The following UTP4 variants were observed in gnomAD, a reference collection of about 807,000 sequenced individuals.
UTP4 encodes the protein U3 small nucleolar RNA-associated protein 4 homolog.
A neutral mutation model predicts 82.4 loss-of-function variants in UTP4; 45 were observed. That is an observed-to-expected ratio of 0.55 (90% CI 0.43 to 0.70). The LOEUF (loss-of-function observed/expected upper bound fraction) is 0.70. UTP4 is among the 30% of genes least tolerant of loss of function. The pLI, the probability that UTP4 is intolerant of heterozygous loss-of-function variation, is 0.00. For missense variants in UTP4, 819 were observed against 858.3 expected, an observed-to-expected ratio of 0.95 and a Z score of 0.57; for synonymous variants, 348 against 300.3, an observed-to-expected ratio of 1.16 and a Z score of -1.64.
chr16:69,161,232 T>C (rs573545201), intron 13 of UTP4, among the ~76,000 whole-genome samples: 4 of 152,364 alleles, frequency 2.6e-5, no homozygotes, highest in Admixed American at 2.0e-4. Context: ...GTAATGACGC[T>C]GTCAGTCATA....
chr16:69,159,993 A>AC (rs1205676281), intron 12 of UTP4, among the ~76,000 whole-genome samples: 2 of 152,004 alleles, frequency 1.3e-5, no homozygotes, highest in Non-Finnish European at 2.9e-5. Context: ...TCAAAAAAAA[A>AC]AAAACAAAAA....
At chr16:69,152,464 CTTTTTTT>C (rs58914042) in intron 8 of UTP4, among the ~76,000 whole-genome samples, 4 of 107,146 alleles carry the variant, frequency 3.7e-5, no homozygotes, top group Non-Finnish European at 7.8e-5. Context: ...TTCTGTTTTT[CTTTTTTT>C]TTTTTTTTTT....
At chr16:69,149,918 G>A (rs528059466) in intron 6 of UTP4, among the ~76,000 whole-genome samples, 2 of 151,948 alleles carry the variant, frequency 1.3e-5, no homozygotes, top group Non-Finnish European at 2.9e-5. Context: ...TAGTAGCGAC[G>A]GGGTTCACCA....
rs1963021976 is a variant in UTP4, at chr16:69,143,370, A to G, written c.719A>G (p.Gln240Arg). The change falls in exon 6 of 17, where the codon CAG becomes CGG. Residue 240 changes from glutamine to arginine, a missense_variant. By Grantham distance (43) the Gln-to-Arg change is conservative. Transcript: ENST00000314423. The stretch of plus-strand genomic sequence containing the variant: ...CATCTCATCGCTAATGCTGACGTGC[A>G]GTCCATTGCTGTAGCTGACGTGAGT... ...KSHLIANADV[Q>R]SIAVADQEDS... 1 of 1,614,014 alleles carries G rather than the reference A, an allele frequency of 6.2e-7. No homozygotes were observed. The highest frequency in any genetic ancestry group is 8.5e-7 in the Non-Finnish European group (1 of 1,179,996).
At chr16:69,150,407 C>T in intron 6 of UTP4, 130 bp from the exon 7 acceptor site, 2 of 1,026,838 alleles carry the variant, frequency 1.9e-6, no homozygotes, top group Non-Finnish European at 3.1e-6. Flanking sequence ...AGGAAAAGAC[C>T]CTTGTAACTT....
At position 69,136,236 on chromosome 16, in the gene UTP4, G is replaced by A. The variant is rs373675836; in HGVS notation, c.160-460G>A. On this transcript the variant is annotated intron_variant, in intron 2 of 16. Transcript: ENST00000314423. Reference sequence around the variant, plus strand: ...AAGCATAAAATGCCTTGATAGCTACGAAAACTTTTGGGTTGGGTGCAGTGG... The same window carrying A: ...AAGCATAAAATGCCTTGATAGCTACAAAAACTTTTGGGTTGGGTGCAGTGG... Among the ~76,000 whole-genome samples the A allele has an allele frequency of 7.9e-5, 12 of 152,226 alleles. No individual in the cohort carries two copies. In the East Asian group the frequency reaches 1.7e-3, roughly 22 times the overall value.
At chr16:69,151,163 C>T (rs1045682209) in intron 8 of UTP4, among the ~76,000 whole-genome samples, 9 of 151,978 alleles carry the variant, frequency 5.9e-5, no homozygotes, top group Admixed American at 2.0e-4. Context: ...TGCGCCACCG[C>T]GCTCAGCTAA....
At chr16:69,167,284 C>A in intron 16 of UTP4, 99 bp downstream of exon 16, 4 of 806,742 alleles carry the variant, frequency 5.0e-6, no homozygotes, top group Non-Finnish European at 8.4e-6. Flanking sequence ...CTTCAGTTTC[C>A]ATGCAGAGAA....
At chr16:69,146,086 G>T (rs1461150894) in intron 6 of UTP4, among the ~76,000 whole-genome samples, 1 of 147,394 alleles carries the variant, frequency 6.8e-6, no homozygotes, top group Non-Finnish European at 1.5e-5. Context: ...GGGCAACAGA[G>T]ACTCTGTCTC....
At position 69,153,520 on chromosome 16, in the gene UTP4, ATCTGG is replaced by A. The variant is rs527709611; in HGVS notation, c.1003-62_1003-58del. ...AAATGTGCTAAGGTGGTGCTACTGT[ATCTGG>A]TACTAAGGCAGTAGATGACCCTGAC... is the stretch of plus-strand genomic sequence containing the variant. On this transcript the variant is annotated intron_variant, in intron 8 of 16. Coordinates refer to ENST00000314423, the MANE Select transcript of UTP4 (RefSeq NM_032830.3). 10,532 of 1,105,686 alleles carry A rather than the reference ATCTGG, an allele frequency of 9.5e-3. 82 individuals are homozygous for A. The highest frequency in any genetic ancestry group is 0.013 in the Non-Finnish European group (9,131 of 727,544). The allele number at this position is 1,105,686 out of a possible 1,614,324, so 68.5% of individuals were successfully genotyped here. A position where few individuals can be genotyped will look rare whatever the true frequency, so the allele number is the denominator to read the frequency against.
At position 69,137,891 on chromosome 16, in the gene UTP4, C is replaced by G. The variant is rs202164680; in HGVS notation, c.436+6C>G. 2 of 1,578,390 alleles carry G rather than the reference C, an allele frequency of 1.3e-6. No homozygotes were observed. Among genetic ancestry groups the G allele is most frequent in the Admixed American group, 3.3e-5 (2 of 59,966 alleles). Reference sequence around the variant, plus strand: ...AAATTTTGATCGGCAGAAAAGTAAGCGTCATTTTTCATGGGGCGGTAAATA... The same window carrying G: ...AAATTTTGATCGGCAGAAAAGTAAGGGTCATTTTTCATGGGGCGGTAAATA... On this transcript the variant is annotated splice_donor_region_variant and intron_variant, in intron 4 of 16. Transcript: ENST00000314423.
chr16:69,165,366 A>T lies in UTP4; in HGVS notation c.1673A>T (p.Lys558Ile). The change falls in exon 15 of 17, where the codon AAA becomes ATA. Residue 558 changes from lysine to isoleucine, a missense_variant. Physicochemically the swap from Lys to Ile is moderately radical, Grantham distance 102 (BLOSUM62 -3). Transcript: ENST00000314423. ...GTATTTGAGTACAGCATCCCAGACA[A>T]ACAGTATACAGATTGGAGCCGGACT... ...QQVFEYSIPD[K>I]QYTDWSRTVQ... 1 of 1,614,176 alleles carries T rather than the reference A, an allele frequency of 6.2e-7. No individual in the cohort carries two copies. The highest frequency in any genetic ancestry group is 8.5e-7 in the Non-Finnish European group (1 of 1,180,036).
rs375061971 is a variant in UTP4 at position 69,143,261 on chromosome 16, T to C, written c.610T>C (p.Leu204=). Residue 204 remains leucine, a synonymous_variant, in exon 6 of 17, where the codon TTG becomes CTG. Coordinates refer to ENST00000314423, the MANE Select transcript of UTP4 (RefSeq NM_032830.3). ...GTGCATCGTGTGGGGTGTCGCCTTCTTGTCCGATGGCACTATCATAAGTGT... is the reference window on the plus strand; with the variant it reads ...GTGCATCGTGTGGGGTGTCGCCTTCCTGTCCGATGGCACTATCATAAGTGT... ...RKCIVWGVAF[L]SDGTIISVDS... 9 of 1,614,238 alleles carry C rather than the reference T, an allele frequency of 5.6e-6. No homozygotes were observed. In the East Asian group the frequency reaches 1.6e-4, roughly 28 times the overall value.
chr16:69,151,639 T>A (rs62055841), intron 8 of UTP4, among the ~76,000 whole-genome samples: 2 of 147,304 alleles, frequency 1.4e-5, no homozygotes, highest in East Asian at 2.0e-4. Context: ...TTTTTTTTTT[T>A]AACCATCTGG....
chr16:69,155,948 T>C lies in UTP4; in HGVS notation c.1242T>C (p.Phe414=). 1 of 1,614,150 alleles carries C rather than the reference T, an allele frequency of 6.2e-7. No homozygotes were observed. The highest frequency in any genetic ancestry group is 1.1e-5 in the South Asian group (1 of 91,082). Residue 414 remains phenylalanine (F), a synonymous_variant, in exon 11 of 17, where the codon TTT becomes TTC. Coordinates refer to ENST00000314423, the MANE Select transcript of UTP4 (RefSeq NM_032830.3). Reference sequence around the variant, plus strand: ...CCTATTCTACAGTTTCTCGGTTTTTTCTCTATCGGCTGAATTATGAACATG... The same window carrying C: ...CCTATTCTACAGTTTCTCGGTTTTTCCTCTATCGGCTGAATTATGAACATG... ...WIAYSTVSRF[F]LYRLNYEHDN...
chr16:69,150,266 A>G (rs533488558), intron 6 of UTP4, among the ~76,000 whole-genome samples: 2 of 152,038 alleles, frequency 1.3e-5, no homozygotes, highest in African/African-American at 4.8e-5. Flanking sequence ...CTCTCTCTCA[A>G]TGCTATTCTA....
At chr16:69,148,143 A>G (rs567287044) in intron 6 of UTP4, among the ~76,000 whole-genome samples, 2 of 151,590 alleles carry the variant, frequency 1.3e-5, no homozygotes, top group East Asian at 1.9e-4. Context: ...TTTTTTTTTC[A>G]GTAGAGATGG....
intron 3 of UTP4, among the ~76,000 whole-genome samples, chr16:69,137,410 T>C (rs1217882577): frequency 6.6e-6 from 1 of 152,236 alleles, no homozygotes; most frequent in Non-Finnish European, 1.5e-5. Context: ...TGATTATTTT[T>C]GATCTGCACT....
At chr16:69,137,655 A>G in intron 3 of UTP4, 146 bp from the exon 4 acceptor site, 1 of 639,420 alleles carries the variant, frequency 1.6e-6, no homozygotes. Flanking sequence ...TTCTCTCACA[A>G]ATGATTTTTC....
Sources: gnomAD v4.1 joint callset for allele counts (sites outside exome capture counted in the v4.1 genomes callset) on GRCh38, gnomAD v4.1.1 for gene constraint, MANE v1.5 for transcripts, NCBI Gene and HGNC (gene_info 2026-07-23, HGNC 2026-07-21) for gene names.